FAM167A: variants seen among roughly 807,000 people sequenced by gnomAD.
The protein encoded by FAM167A is protein FAM167A.
Under a neutral mutation model 14.9 loss-of-function variants are expected in FAM167A, and 23 were observed. The observed-to-expected ratio is 1.55, with a 90% CI of 1.11 to 2.19. The LOEUF (loss-of-function observed/expected upper bound fraction) is 2.19, where lower values mean the gene tolerates loss of function less well. Among genes scored for constraint, FAM167A ranks in the 30% most tolerant of loss-of-function variants. The pLI is 0.00. For missense variants in FAM167A, 401 were observed against 281.5 expected, an observed-to-expected ratio of 1.42 and a Z score of -3.04; for synonymous variants, 174 against 117.7, an observed-to-expected ratio of 1.48 and a Z score of -3.10.
intron 2 of FAM167A, among the ~76,000 whole-genome samples, chr8:11,439,236 C>T (rs768632770): frequency 5.3e-5 from 8 of 152,266 alleles, no homozygotes; most frequent in Non-Finnish European, 1.2e-4. Context: ...ACTTCCAAGC[C>T]TTCTTGCAGG....
intron 1 of FAM167A, among the ~76,000 whole-genome samples, chr8:11,452,689 T>TA (rs960027304): frequency 6.6e-6 from 1 of 152,186 alleles, no homozygotes; most frequent in African/African-American, 2.4e-5. Context: ...AGGAAACAGA[T>TA]AACTTTTCTC....
chr8:11,432,176 A>G (rs12115021), intron 2 of FAM167A, among the ~76,000 whole-genome samples: 21,653 of 152,174 alleles, frequency 0.14, 1,751 homozygotes, highest in Non-Finnish European at 0.19. Flanking sequence ...ATCTGCTCCA[A>G]TACTTTCTCT....
Position 11,423,464 on chromosome 8 carries a change from C to T in FAM167A, c.*909G>A, listed in dbSNP as rs1347564745. 1 of 152,558 alleles carries T rather than the reference C, an allele frequency of 6.6e-6. No individual in the cohort carries two copies. Among genetic ancestry groups the T allele is most frequent in the Non-Finnish European group, 1.5e-5 (1 of 68,040 alleles). 9.5% of individuals were successfully genotyped at this position (152,558 alleles called of 1,614,324 possible). A position where few individuals can be genotyped will look rare whatever the true frequency, so the allele number is the denominator to read the frequency against. ...AGGCTCAGGATGGGCCTCTGGGCTC[C>T]CTAGATTGTCTTTCCAGAGAGGGCA... On this transcript the variant is annotated 3_prime_UTR_variant, in exon 3 of 3. Coordinates refer to ENST00000284486, the MANE Select transcript of FAM167A (RefSeq NM_053279.3).
At chr8:11,443,235 A>C (rs1017316615) in intron 2 of FAM167A, among the ~76,000 whole-genome samples, 1 of 152,164 alleles carries the variant, frequency 6.6e-6, no homozygotes, top group African/African-American at 2.4e-5. Context: ...GGGGGGTGGA[A>C]GGGGACAGGG....
chr8:11,471,229 G>A (rs1807951556), upstream of FAM167A, among the ~76,000 whole-genome samples: 1 of 152,220 alleles, frequency 6.6e-6, no homozygotes, highest in African/African-American at 2.4e-5. Context: ...GGCATGTGCG[G>A]AGGCTTTGTG....
rs1491432187 is a variant in FAM167A, at chr8:11,422,370, G to GT, written c.*2002_*2003insA. 19,009 of 110,544 alleles carry GT rather than the reference G, an allele frequency of 0.17. 1,657 individuals are homozygous for GT. The highest frequency in any genetic ancestry group is 0.23 in the Non-Finnish European group (13,326 of 56,806). 6.8% of individuals were successfully genotyped at this position (110,544 alleles called of 1,614,324 possible). ...TGTTCTCTGTCGTGTGTGTGTGTGT[G>GT]GGGGTGTGTGTGTGTGTGTGTGTGT... is the stretch of plus-strand genomic sequence containing the variant. On this transcript the variant is annotated 3_prime_UTR_variant, in exon 3 of 3. Transcript: ENST00000284486.
At chr8:11,424,698 G>T in intron 2 of FAM167A, 62 bp from the exon 3 acceptor site, 2 of 1,588,542 alleles carry the variant, frequency 1.3e-6, no homozygotes, top group Non-Finnish European at 8.6e-7. Context: ...GACAGGCACA[G>T]ACTGGTTAGC....
intron 1 of FAM167A, among the ~76,000 whole-genome samples, chr8:11,448,129 G>A (rs1335137461): frequency 6.6e-6 from 1 of 151,936 alleles, no homozygotes; most frequent in Non-Finnish European, 1.5e-5. Context: ...AGGAGGCAGA[G>A]GTTGCAGTGA....
intron 2 of FAM167A, among the ~76,000 whole-genome samples, chr8:11,437,158 A>G (rs1806076264): frequency 6.6e-6 from 1 of 152,176 alleles, no homozygotes; most frequent in African/African-American, 2.4e-5. Context: ...TGGTGGGTGA[A>G]TCCAGACCCA....
At chr8:11,469,712 A>G (rs925844631), upstream of FAM167A, among the ~76,000 whole-genome samples, 2 of 151,708 alleles carry the variant, frequency 1.3e-5, no homozygotes, top group Admixed American at 1.3e-4. Flanking sequence ...ACAAAAAAAA[A>G]ATGAAGAAGA....
chr8:11,449,054 C>T (rs1806912477), intron 1 of FAM167A, among the ~76,000 whole-genome samples: 2 of 152,226 alleles, frequency 1.3e-5, no homozygotes, highest in South Asian at 4.1e-4. Context: ...CTGGCAGGAA[C>T]GGGATTGCCC....
intron 2 of FAM167A, among the ~76,000 whole-genome samples, chr8:11,430,280 C>T (rs1805488641): frequency 6.6e-6 from 1 of 152,216 alleles, no homozygotes; most frequent in Non-Finnish European, 1.5e-5. Flanking sequence ...CGGGGGCTGT[C>T]CAAGCACTGT....
intron 2 of FAM167A, 35 bp from the exon 3 acceptor site, chr8:11,424,671 G>A: frequency 6.2e-7 from 1 of 1,606,578 alleles, no homozygotes; most frequent in Non-Finnish European, 8.5e-7. Flanking sequence ...GGTCAGCAGA[G>A]AGTGGCTCGA....
In FAM167A at chr8:11,424,372, C is replaced by T; in HGVS notation, c.*1G>A. 1 of 1,614,068 alleles carries T rather than the reference C, an allele frequency of 6.2e-7. No individual in the cohort carries two copies. Among genetic ancestry groups the T allele is most frequent in the Non-Finnish European group, 8.5e-7 (1 of 1,179,980 alleles). On this transcript the variant is annotated 3_prime_UTR_variant, in exon 3 of 3. Coordinates refer to ENST00000284486, the MANE Select transcript of FAM167A (RefSeq NM_053279.3). ...GCCCCTCCGCCCAGTCTGAGGGCTCCTCAGCAGAGAGAGAACCTCCGAGAG... is the reference window on the plus strand; with the variant it reads ...GCCCCTCCGCCCAGTCTGAGGGCTCTTCAGCAGAGAGAGAACCTCCGAGAG...
chr8:11,452,765 G>T (rs1289349460), intron 1 of FAM167A, among the ~76,000 whole-genome samples: 3 of 152,156 alleles, frequency 2.0e-5, no homozygotes, highest in African/African-American at 7.2e-5. Context: ...CAGAAAAAAG[G>T]GTGCTTTATT....
intron 2 of FAM167A, chr8:11,438,313 A>C: frequency 2.5e-6 from 1 of 407,862 alleles, no homozygotes; most frequent in South Asian, 1.8e-5. Context: ...GGTCAGCTGC[A>C]GCTCCCTGGC....
At chr8:11,467,114 T>TCACC (rs1807804775), upstream of FAM167A, among the ~76,000 whole-genome samples, 1 of 152,182 alleles carries the variant, frequency 6.6e-6, no homozygotes, top group Non-Finnish European at 1.5e-5. Flanking sequence ...GCCCAGGGCC[T>TCACC]CACCCACCCC....
At chr8:11,455,443 G>C (rs1322903220) in intron 1 of FAM167A, among the ~76,000 whole-genome samples, 1 of 140,058 alleles carries the variant, frequency 7.1e-6, no homozygotes, top group African/African-American at 2.7e-5. Context: ...TGAGTGTGGG[G>C]GGTGGCTGCT....
rs1804934962 is a variant in FAM167A, at chr8:11,423,791, G to C, written c.*582C>G. The C allele has an allele frequency of 6.3e-6, 1 of 158,746 alleles. No individual in the cohort carries two copies. The highest frequency in any genetic ancestry group is 1.9e-4 in the South Asian group (1 of 5,314). The allele number at this position is 158,746 out of a possible 1,614,324, so 9.8% of individuals were successfully genotyped here. Reference sequence around the variant, plus strand: ...AGTGTCAGGCTCACCAGAGACACTGGCTGCCAGCCACTGGGGCTGCGTCCC... The same window carrying C: ...AGTGTCAGGCTCACCAGAGACACTGCCTGCCAGCCACTGGGGCTGCGTCCC... On this transcript the variant is annotated 3_prime_UTR_variant, in exon 3 of 3. Transcript: ENST00000284486.
Sources: allele counts gnomAD v4.1 joint callset (sites outside exome capture counted in the v4.1 genomes callset), GRCh38; gene constraint gnomAD v4.1.1; transcripts MANE v1.5; gene names NCBI Gene and HGNC (gene_info 2026-07-23, HGNC 2026-07-21).